The following ZNF607 variants were observed in gnomAD, a reference collection of about 807,000 sequenced individuals.
ZNF607 encodes zinc finger protein 607.
A neutral mutation model predicts 12.8 loss-of-function variants in ZNF607; 5 were observed. That is an observed-to-expected ratio of 0.39 (90% CI 0.20 to 0.82). The LOEUF (loss-of-function observed/expected upper bound fraction) is 0.82, where lower values mean the gene tolerates loss of function less well. ZNF607 is among the 40% of genes least tolerant of loss of function. The pLI is 0.39. For synonymous variants in ZNF607, 287 were observed against 276.2 expected, an observed-to-expected ratio of 1.04 and a Z score of -0.39; for missense variants, 851 against 859.2, an observed-to-expected ratio of 0.99 and a Z score of 0.12.
At chr19:37,700,524 T>C (rs1336981746) in intron 4 of ZNF607, among the ~76,000 whole-genome samples, 1 of 152,148 alleles carries the variant, frequency 6.6e-6, no homozygotes, top group African/African-American at 2.4e-5. Flanking sequence ...AATGATCAGG[T>C]TTACAGCATA....
intron 4 of ZNF607, among the ~76,000 whole-genome samples, chr19:37,704,120 T>C (rs748281035): frequency 2.0e-5 from 3 of 148,776 alleles, no homozygotes; most frequent in African/African-American, 7.5e-5. Context: ...GGTGACAGAG[T>C]AAGACTCCGT....
At chr19:37,703,258 A>G (rs2045054110) in intron 4 of ZNF607, among the ~76,000 whole-genome samples, 3 of 149,716 alleles carry the variant, frequency 2.0e-5, no homozygotes, top group African/African-American at 7.3e-5. Context: ...CAACAGGTAA[A>G]TTTAAATAAA....
rs2045099322 is a variant in ZNF607, at chr19:37,707,904, T to C, written c.235+10A>G. On this transcript the variant is annotated intron_variant, in intron 4 of 4. Transcript: ENST00000355202. ...ACAAAAATGGCTGCCCCTGCCTGACTTGCTCTTACCTGTACACTCTCCTCT... is the reference window on the plus strand; with the variant it reads ...ACAAAAATGGCTGCCCCTGCCTGACCTGCTCTTACCTGTACACTCTCCTCT... 1 of 1,607,114 alleles carries C rather than the reference T, an allele frequency of 6.2e-7. No individual in the cohort carries two copies. The highest frequency in any genetic ancestry group is 8.5e-7 in the Non-Finnish European group (1 of 1,177,022).
Position 37,699,801 on chromosome 19 carries a change from T to C in ZNF607, c.330A>G (p.Gly110=), listed in dbSNP as rs1367271800. The C allele has an allele frequency of 1.9e-6, 3 of 1,614,072 alleles. No homozygotes were observed. Among genetic ancestry groups the C allele is most frequent in the Non-Finnish European group, 2.5e-6 (3 of 1,179,964 alleles). Residue 110 remains glycine (G), a synonymous_variant, in exon 5 of 5, where the codon GGA becomes GGG. Coordinates refer to ENST00000355202, the MANE Select transcript of ZNF607 (RefSeq NM_032689.5). ...CVTLHQRIHN[G]QKPYECKQCQ... ...ATTGCTTACACTCATATGGTTTCTG[T>C]CCATTATGAATTCTCTGATGGAGAG... is the stretch of plus-strand genomic sequence containing the variant.
intron 1 of ZNF607, among the ~76,000 whole-genome samples, chr19:37,714,311 A>AAACAACAAC (rs376072397): frequency 0.35 from 49,130 of 139,012 alleles, 9,648 homozygotes; most frequent in Middle Eastern, 0.5. Flanking sequence ...CTCCGTCTCA[A>AAACAACAAC]AACAACAACA....
chr19:37,710,580 G>C (rs1385489573), intron 2 of ZNF607, among the ~76,000 whole-genome samples: 1 of 152,166 alleles, frequency 6.6e-6, no homozygotes, highest in African/African-American at 2.4e-5. Context: ...TGCTATCAGG[G>C]AGGGGAATGA....
In ZNF607 at chr19:37,696,723, C is replaced by A; in HGVS notation, c.*1317G>T. The stretch of plus-strand genomic sequence containing the variant: ...TGTCTTCTGCAGCTTCCAGCTTGCA[C>A]AGCTCGCTCTGGCCGTCCCCTGCAG... On this transcript the variant is annotated 3_prime_UTR_variant, in exon 5 of 5. Coordinates refer to ENST00000355202, the MANE Select transcript of ZNF607 (RefSeq NM_032689.5). The A allele has an allele frequency of 1.1e-6, 1 of 894,592 alleles. No homozygotes were observed. Among genetic ancestry groups the A allele is most frequent in the Non-Finnish European group, 1.8e-6 (1 of 543,616 alleles). 55.4% of individuals were successfully genotyped at this position (894,592 alleles called of 1,614,324 possible).
At chr19:37,709,162 A>G (rs1465244919) in intron 3 of ZNF607, among the ~76,000 whole-genome samples, 2 of 152,198 alleles carry the variant, frequency 1.3e-5, no homozygotes, top group Admixed American at 1.3e-4. Flanking sequence ...CTTCAACCAT[A>G]AATCAAATGA....
chr19:37,715,051 C>T (rs950448274), intron 1 of ZNF607, among the ~76,000 whole-genome samples: 4 of 151,856 alleles, frequency 2.6e-5, no homozygotes, highest in Admixed American at 1.3e-4. Context: ...GAACTACAGG[C>T]GTGTGCCACC....
chr19:37,696,474 T>C lies in ZNF607; in HGVS notation c.*1566A>G, dbSNP rs2044974840. On this transcript the variant is annotated 3_prime_UTR_variant, in exon 5 of 5. Transcript: ENST00000355202. Reference sequence around the variant, plus strand: ...CATGTAATTCTTTGTTTTTTAGAGATCTGAAGTGATTTTACCTTTACTTCC... The same window carrying C: ...CATGTAATTCTTTGTTTTTTAGAGACCTGAAGTGATTTTACCTTTACTTCC... The C allele has an allele frequency of 3.0e-6, 1 of 334,644 alleles. No homozygotes were observed. The highest frequency in any genetic ancestry group is 2.2e-5 in the African/African-American group (1 of 46,304). The allele number at this position is 334,644 out of a possible 1,614,324, so 20.7% of individuals were successfully genotyped here.
rs193084564 is a variant in ZNF607, at chr19:37,712,128, G to A, written c.-74-436C>T. On this transcript the variant is annotated intron_variant, in intron 1 of 4. Transcript: ENST00000355202. ...GGTCAAGATATTGGAGACAGATGGC[G>A]AGTGTTCAGCATTCTAAGTCTAGCA... Among the ~76,000 whole-genome samples the A allele has an allele frequency of 9.9e-5, 15 of 152,252 alleles. No individual in the cohort carries two copies. In the East Asian group the frequency reaches 1.7e-3, roughly 18 times the overall value.
chr19:37,717,827 A>AAAAG (rs1204646578), intron 1 of ZNF607, among the ~76,000 whole-genome samples: 8 of 150,838 alleles, frequency 5.3e-5, no homozygotes, highest in East Asian at 3.9e-4. Flanking sequence ...AAAAAAAAAA[A>AAAAG]AAAGAAAGAA....
At chr19:37,716,479 G>C (rs982725938) in intron 1 of ZNF607, among the ~76,000 whole-genome samples, 5 of 152,180 alleles carry the variant, frequency 3.3e-5, no homozygotes, top group Admixed American at 6.5e-5. Flanking sequence ...TTGGAGCCTA[G>C]TGCAGAAGCT....
At chr19:37,702,367 T>C (rs1186913044) in intron 4 of ZNF607, among the ~76,000 whole-genome samples, 2 of 149,574 alleles carry the variant, frequency 1.3e-5, no homozygotes, top group Non-Finnish European at 3.0e-5. Context: ...ATGATTGAAA[T>C]TATAAACTAA....
At chr19:37,713,850 T>A (rs1482785291) in intron 1 of ZNF607, among the ~76,000 whole-genome samples, 1 of 152,172 alleles carries the variant, frequency 6.6e-6, no homozygotes, top group Non-Finnish European at 1.5e-5. Flanking sequence ...CAAAGATAAT[T>A]TTTGATTATC....
rs761380832 is a variant in ZNF607, at chr19:37,699,611, C to A, written c.520G>T (p.Glu174Ter). The change falls in exon 5 of 5, where the codon GAA (glutamate) becomes TAA (stop). Residue 174 changes from glutamate to a stop codon, truncating the protein, a stop_gained. Coordinates refer to ENST00000355202, the MANE Select transcript of ZNF607 (RefSeq NM_032689.5). LOFTEE classifies it low-confidence loss of function (END_TRUNC). ...GGATAACTGAAGACCTTCCCACATT[C>A]TTCACATTCATAAGGTTTCTCACGA... is the stretch of plus-strand genomic sequence containing the variant. The part of the protein sequence containing the change: ...NAREKPYECE[E>*]CGKVFSYPAN... The A allele has an allele frequency of 6.2e-7, 1 of 1,614,164 alleles. No individual in the cohort carries two copies.
intron 1 of ZNF607, among the ~76,000 whole-genome samples, chr19:37,711,960 G>T (rs1318491764): frequency 1.3e-5 from 2 of 152,198 alleles, no homozygotes; most frequent in African/African-American, 4.8e-5. Flanking sequence ...GTACGATGTT[G>T]GTGAGGCAGA....
Position 37,699,896 on chromosome 19 carries a change from C to G in ZNF607, c.236-1G>C, listed in dbSNP as rs778799298. ...ATTATTTCACATCTTGAATCCAAAT[C>G]TAGAAGACATAAAATAAAAACATTT... On this transcript the variant is annotated splice_acceptor_variant, in intron 4 of 4. Transcript: ENST00000355202. LOFTEE classifies it high-confidence loss of function. 1 of 1,563,232 alleles carries G rather than the reference C, an allele frequency of 6.4e-7. No homozygotes were observed. The highest frequency in any genetic ancestry group is 8.6e-7 in the Non-Finnish European group (1 of 1,158,686).
chr19:37,708,393 G>T (rs1050932891), intron 3 of ZNF607, among the ~76,000 whole-genome samples: 1 of 151,300 alleles, frequency 6.6e-6, no homozygotes, highest in Admixed American at 6.6e-5. Context: ...ATGGGGTTTC[G>T]CCATGTTGGC....
Sources: allele counts gnomAD v4.1 joint callset (sites outside exome capture counted in the v4.1 genomes callset), GRCh38; gene constraint gnomAD v4.1.1; transcripts MANE v1.5; gene names NCBI Gene and HGNC (gene_info 2026-07-23, HGNC 2026-07-21).